The following FOXP1 variants were observed in gnomAD, a reference collection of about 807,000 sequenced individuals.
FOXP1 encodes the protein forkhead box P1.
FOXP1 carries 15 observed loss-of-function variants against 98.2 expected under a neutral mutation model. That is an observed-to-expected ratio of 0.15 (90% CI 0.10 to 0.24). FOXP1 has a LOEUF of 0.24. Ranked by LOEUF, FOXP1 falls within the 10% of genes least tolerant of loss-of-function variation. The pLI, the probability that FOXP1 is intolerant of heterozygous loss-of-function variation, is 1.00. For missense variants in FOXP1, 633 were observed against 848.5 expected, an observed-to-expected ratio of 0.75 and a Z score of 3.15; for synonymous variants, 371 against 314.5, an observed-to-expected ratio of 1.18 and a Z score of -1.90.
chr3:71,324,843 A>C (rs1031987805), intron 4 of FOXP1, among the ~76,000 whole-genome samples: 9 of 152,190 alleles, frequency 5.9e-5, no homozygotes, highest in Admixed American at 1.3e-4. Flanking sequence ...AGCGGTTGCG[A>C]ACTCTAAAGT....
intron 5 of FOXP1, among the ~76,000 whole-genome samples, 182 bp downstream of exon 5, chr3:71,299,638 G>C (rs1440779620): frequency 1.3e-5 from 2 of 152,188 alleles, no homozygotes; most frequent in Non-Finnish European, 2.9e-5. Context: ...TGAACCTGTA[G>C]ACCATTTCTT....
chr3:71,008,548 T>C (rs542910864), intron 12 of FOXP1, among the ~76,000 whole-genome samples: 47 of 152,086 alleles, frequency 3.1e-4, no homozygotes, highest in African/African-American at 8.4e-4. Context: ...CACTAACAAA[T>C]GCAACAGTCA....
At position 71,015,553 on chromosome 3, in the gene FOXP1, G is replaced by A; in HGVS notation, c.970C>T (p.Leu324=). ...EAVCEDFQSF[L]KHLNSEHALD... is the part of the protein sequence containing the mutation. ...ACAAAATAAAATCATTCTTACTTTA[G>A]AAATGATTGGAAATCTTCGCACACT... Residue 324 remains leucine, a synonymous_variant, in exon 12 of 21, where the codon CTA becomes TTA. Transcript: ENST00000649528. The A allele has an allele frequency of 6.3e-7, 1 of 1,594,838 alleles. No individual in the cohort carries two copies.
intron 8 of FOXP1, among the ~76,000 whole-genome samples, 195 bp downstream of exon 8, chr3:71,053,441 G>A (rs1176507888): frequency 1.3e-5 from 2 of 152,088 alleles, no homozygotes. Flanking sequence ...TAGTCACCAT[G>A]GCAGGGCTCC....
intron 7 of FOXP1, among the ~76,000 whole-genome samples, chr3:71,067,357 A>G (rs543794935): frequency 1.3e-5 from 2 of 152,350 alleles, no homozygotes; most frequent in Admixed American, 6.5e-5. Context: ...TGGAACTTCC[A>G]TAAGTGGAAT....
intron 5 of FOXP1, among the ~76,000 whole-genome samples, chr3:71,284,501 T>C (rs895984051): frequency 2.6e-5 from 4 of 152,182 alleles, no homozygotes; most frequent in African/African-American, 9.7e-5. Flanking sequence ...AGATCAAGGC[T>C]GTAGTGAGCT....
At chr3:71,042,668 C>A (rs563514936) in intron 10 of FOXP1, among the ~76,000 whole-genome samples, 2 of 152,138 alleles carry the variant, frequency 1.3e-5, no homozygotes, top group Non-Finnish European at 2.9e-5. Flanking sequence ...TCCCAGAAAG[C>A]CTGCCATTTT....
intron 3 of FOXP1, among the ~76,000 whole-genome samples, chr3:71,402,620 T>C (rs146828872): frequency 3.5e-4 from 54 of 152,310 alleles, no homozygotes; most frequent in African/African-American, 1.2e-3. Context: ...ATGAAGTAGT[T>C]AGGATACAAT....
chr3:71,561,318 T>C (rs1559532458), intron 2 of FOXP1, among the ~76,000 whole-genome samples: 2 of 151,322 alleles, frequency 1.3e-5, no homozygotes, highest in Admixed American at 1.3e-4. Flanking sequence ...AGTGCTAGGA[T>C]TATAGGCGTG....
chr3:71,121,039 C>CT (rs1559971395), intron 6 of FOXP1, among the ~76,000 whole-genome samples: 2 of 95,038 alleles, frequency 2.1e-5, no homozygotes, highest in African/African-American at 9.0e-5. Context: ...TTTTTTCTTT[C>CT]TTTCTTTTTT....
rs13073244 is a variant in FOXP1 at position 71,404,120 on chromosome 3, C to T, written c.-167-44876G>A. Among the ~76,000 whole-genome samples, 159 of 62,706 alleles carry T rather than the reference C, an allele frequency of 2.5e-3. 1 individual carries two copies. The highest frequency in any genetic ancestry group is 0.022 in the Middle Eastern group (1 of 46). 41.1% of individuals were successfully genotyped at this position (62,706 alleles called of 152,430 possible). On this transcript the variant is annotated intron_variant, in intron 3 of 20. Coordinates refer to ENST00000649528, the MANE Select transcript of FOXP1 (RefSeq NM_001349338.3). ...ATTGGGGTTTTTTTCTTTTCTTTTT[C>T]TTTTTTTTTTTTTTTTTTTTTTTTG...
intron 3 of FOXP1, among the ~76,000 whole-genome samples, chr3:71,477,719 A>G (rs1437254449): frequency 6.6e-6 from 1 of 152,218 alleles, no homozygotes; most frequent in Non-Finnish European, 1.5e-5. Flanking sequence ...AATACACACA[A>G]GCAATGCACA....
chr3:71,474,975 TC>T lies in FOXP1; in HGVS notation c.-168+18450del, dbSNP rs556476690. Among the ~76,000 whole-genome samples, 786 of 152,150 alleles carry T rather than the reference TC, an allele frequency of 5.2e-3. 4 individuals are homozygous for T. Among genetic ancestry groups the T allele is most frequent in the Non-Finnish European group, 7.6e-3 (516 of 67,990 alleles). ...TTACAGGCCCTGCCCACTGAAGCCT[TC>T]CTCATGGAGTTTCCCATCTCTGTTA... On this transcript the variant is annotated intron_variant, in intron 3 of 20. Transcript: ENST00000649528.
At chr3:70,976,374 C>T (rs1479410868) in intron 17 of FOXP1, among the ~76,000 whole-genome samples, 10 of 151,998 alleles carry the variant, frequency 6.6e-5, no homozygotes, top group Admixed American at 5.2e-4. Context: ...TGACTTAAAA[C>T]CAAAAAAAGA....
chr3:71,582,117 G>A (rs1366027114), intron 1 of FOXP1: 2 of 981,604 alleles, frequency 2.0e-6, no homozygotes, highest in Non-Finnish European at 2.4e-6. Context: ...AAACACATGG[G>A]AGGGGGGCAT....
At chr3:71,421,218 G>T (rs771439862) in intron 3 of FOXP1, among the ~76,000 whole-genome samples, 2 of 152,096 alleles carry the variant, frequency 1.3e-5, no homozygotes, top group Non-Finnish European at 2.9e-5. Flanking sequence ...GTAAGAATGC[G>T]CAAAGCAAGA....
chr3:71,016,690 C>T (rs930593297), intron 11 of FOXP1, among the ~76,000 whole-genome samples: 20 of 149,870 alleles, frequency 1.3e-4, no homozygotes, highest in Admixed American at 1.0e-3. Context: ...CACACACACA[C>T]ATGCATACAC....
At chr3:70,973,884 T>C in intron 17 of FOXP1, among the ~76,000 whole-genome samples, 1 of 100,248 alleles carries the variant, frequency 1.0e-5, no homozygotes, top group Non-Finnish European at 1.9e-5. Flanking sequence ...ACCTGGAGTA[T>C]TTCCTTCCTG....
chr3:71,162,992 T>A (rs987887484), intron 6 of FOXP1, among the ~76,000 whole-genome samples: 1 of 152,164 alleles, frequency 6.6e-6, no homozygotes, highest in Non-Finnish European at 1.5e-5. Context: ...AGAAAGAAAC[T>A]GAAAAAAGCA....
Sources: allele counts gnomAD v4.1 joint callset (sites outside exome capture counted in the v4.1 genomes callset), GRCh38; gene constraint gnomAD v4.1.1; transcripts MANE v1.5; gene names NCBI Gene and HGNC (gene_info 2026-07-23, HGNC 2026-07-21).